Variants in CDK5RAP2 observed in about 807,000 individuals in gnomAD.
CDK5RAP2 encodes CDK5 regulatory subunit associated protein 2.
Under a neutral mutation model 232.9 loss-of-function variants are expected in CDK5RAP2, and 147 were observed. That is an observed-to-expected ratio of 0.63 (90% confidence interval 0.55 to 0.72). The LOEUF is 0.72. Among genes scored for constraint, CDK5RAP2 ranks in the 30% least tolerant of loss-of-function variants. CDK5RAP2 has a pLI of 0.00. For missense variants in CDK5RAP2, 2,195 were observed against 2,231.5 expected (o/e 0.98, Z 0.33); for synonymous variants, 833 against 833.7 (o/e 1.00, Z 0.01).
rs1339036951 is a variant in CDK5RAP2, at chr9:120,403,333, A to C, written c.5042-262T>G. 2 of 485,414 alleles carry C rather than the reference A, an allele frequency of 4.1e-6. No individual in the cohort carries two copies. Among genetic ancestry groups the C allele is most frequent in the Non-Finnish European group, 7.5e-6 (2 of 265,864 alleles). The allele number at this position is 485,414 out of a possible 1,614,324, so 30.1% of individuals were successfully genotyped here. A position where few individuals can be genotyped will look rare whatever the true frequency, so the allele number is the denominator to read the frequency against. ...CCACCCACTCGGCAGAAGACCCCAG[A>C]TTCACAAGGATGACTCAAGCTGGTG... is the stretch of plus-strand genomic sequence containing the variant. On this transcript the variant is annotated intron_variant, in intron 33 of 37. Coordinates refer to ENST00000349780, the MANE Select transcript of CDK5RAP2 (RefSeq NM_018249.6). The surrounding 1 kb of genome is among the most constrained non-coding windows in gnomAD (Gnocchi z 4.2).
intron 2 of CDK5RAP2, among the ~76,000 whole-genome samples, chr9:120,570,663 A>T (rs1454617346): frequency 4.6e-5 from 7 of 151,772 alleles, no homozygotes; most frequent in African/African-American, 1.7e-4. Context: ...AACATGGTGA[A>T]CTCTGTCTCT....
Position 120,536,420 on chromosome 9 carries a change from A to ATCT in CDK5RAP2, c.611_613dup (p.Lys204dup). Reference sequence around the variant, plus strand: ...AGCCATCGCCAAGTCCCCCTCGTGCATCTTCTTCATCTCTGAAAGCTTGCT... The same window carrying ATCT: ...AGCCATCGCCAAGTCCCCCTCGTGCATCTTCTTCTTCATCTCTGAAAGCTTGCT... On this transcript the variant is annotated inframe_insertion, in exon 7 of 38. Transcript: ENST00000349780. The ATCT allele has an allele frequency of 1.2e-6, 2 of 1,614,176 alleles. No homozygotes were observed. The highest frequency in any genetic ancestry group is 1.7e-6 in the Non-Finnish European group (2 of 1,180,020).
intron 3 of CDK5RAP2, among the ~76,000 whole-genome samples, chr9:120,557,224 G>C (rs1393827947): frequency 2.0e-5 from 3 of 152,190 alleles, no homozygotes; most frequent in Non-Finnish European, 2.9e-5. Flanking sequence ...TCTCTGCTTA[G>C]TACCACTTTC....
At chr9:120,389,966 C>T (rs781155659) in intron 36 of CDK5RAP2, 179 bp from the exon 37 acceptor site, 70 of 648,528 alleles carry the variant, frequency 1.1e-4, no homozygotes, top group Non-Finnish European at 1.8e-4. Flanking sequence ...CATCACAAAC[C>T]CCAGGGCCAA....
chr9:120,525,410 T>C (rs961048512), intron 10 of CDK5RAP2, among the ~76,000 whole-genome samples: 1 of 152,176 alleles, frequency 6.6e-6, no homozygotes, highest in Non-Finnish European at 1.5e-5. Context: ...TCCATATAGA[T>C]GACCTACCCA....
At chr9:120,463,532 T>C (rs371899340) in intron 18 of CDK5RAP2, among the ~76,000 whole-genome samples, 1 of 152,208 alleles carries the variant, frequency 6.6e-6, no homozygotes, top group East Asian at 1.9e-4. Flanking sequence ...GACCTTGTTG[T>C]ATTAATGAGA....
chr9:120,455,089 TGG>T (rs1417952155), intron 20 of CDK5RAP2, among the ~76,000 whole-genome samples: 1 of 152,096 alleles, frequency 6.6e-6, no homozygotes, highest in Non-Finnish European at 1.5e-5. Flanking sequence ...CAGTGGGCAC[TGG>T]GGATACAAAA....
At chr9:120,574,948 C>A (rs1370267573) in intron 1 of CDK5RAP2, among the ~76,000 whole-genome samples, 6 of 151,840 alleles carry the variant, frequency 4.0e-5, no homozygotes, top group Non-Finnish European at 8.8e-5. Context: ...GACGCCTTCC[C>A]GGAGGTTGGG....
chr9:120,550,773 T>G lies in CDK5RAP2; in HGVS notation c.306+19A>C. 7.6e-7 allele frequency: 1 copy of G among 1,324,350 alleles called. No individual in the cohort carries two copies. The highest frequency in any genetic ancestry group is 1.1e-6 in the Non-Finnish European group (1 of 915,170). The allele number at this position is 1,324,350 out of a possible 1,614,324, so 82.0% of individuals were successfully genotyped here. On this transcript the variant is annotated intron_variant, in intron 4 of 37. Transcript: ENST00000349780. ...TGAGAAAGGACACAAGGGACAGTAA[T>G]GAGAAATGGGCCACTCACAGTTTTG...
Position 120,394,202 on chromosome 9 carries a change from T to C in CDK5RAP2, c.5578+310A>G, listed in dbSNP as rs10739563. Among the ~76,000 whole-genome samples, 100,668 of 152,002 alleles carry C rather than the reference T, an allele frequency of 0.66. 33,760 individuals carry two copies. Among genetic ancestry groups the C allele is most frequent in the East Asian group, 0.8 (4,120 of 5,160 alleles). On this transcript the variant is annotated intron_variant, in intron 36 of 37. Transcript: ENST00000349780. ...GTCACTTTGTCTAAGACGCCCACCT[T>C]GCCGGGACAGAGTGACGGCCACCCA...
chr9:120,457,759 T>C (rs7047008), intron 20 of CDK5RAP2, among the ~76,000 whole-genome samples: 12,018 of 152,202 alleles, frequency 0.079, 926 homozygotes, highest in African/African-American at 0.2. Context: ...TGAACACGCA[T>C]CACACCAAAT....
rs918670944 is a variant in CDK5RAP2 at position 120,411,275 on chromosome 9, G to A, written c.4414+83C>T. 44 of 832,760 alleles carry A rather than the reference G, an allele frequency of 5.3e-5. No individual in the cohort carries two copies. The African/African-American group carries it at 5.8e-4, about 11-fold the overall frequency. 51.6% of individuals were successfully genotyped at this position (832,760 alleles called of 1,614,324 possible). A position where few individuals can be genotyped will look rare whatever the true frequency, so the allele number is the denominator to read the frequency against. ...GAGCCACAGGATTCATACTTAGGTT[G>A]GTCAGACTCCAATGCCTGCATTCTT... is the stretch of plus-strand genomic sequence containing the variant. On this transcript the variant is annotated intron_variant, in intron 29 of 37. Transcript: ENST00000349780.
At chr9:120,414,004 ATGGGGCACTATCT>A (rs2034051767) in intron 28 of CDK5RAP2, among the ~76,000 whole-genome samples, 1 of 152,264 alleles carries the variant, frequency 6.6e-6, no homozygotes, top group Non-Finnish European at 1.5e-5. Context: ...TGCTGCTGCC[ATGGGGCACTATCT>A]TTCCAGAACT....
intron 25 of CDK5RAP2, among the ~76,000 whole-genome samples, chr9:120,424,086 C>G (rs1169164671): frequency 2.0e-5 from 3 of 152,212 alleles, no homozygotes; most frequent in African/African-American, 7.2e-5. Context: ...CTATCTCCTT[C>G]AGGCCTCACA....
rs769097819 is a variant in CDK5RAP2, at chr9:120,580,015, G to C, written c.-37C>G. The C allele has an allele frequency of 1.4e-6, 2 of 1,458,790 alleles. No homozygotes were observed. Among genetic ancestry groups the C allele is most frequent in the South Asian group, 2.3e-5 (2 of 86,814 alleles). 90.4% of individuals were successfully genotyped at this position (1,458,790 alleles called of 1,614,324 possible). ...TGGCGACAGCGTTGGTGTCTGTGGC[G>C]GCGGCGCCACTAGTACCCCCCGCGA... On this transcript the variant is annotated 5_prime_UTR_variant, in exon 1 of 38. Coordinates refer to ENST00000349780, the MANE Select transcript of CDK5RAP2 (RefSeq NM_018249.6).
intron 11 of CDK5RAP2, among the ~76,000 whole-genome samples, chr9:120,520,905 CAT>C (rs912602658): frequency 1.1e-4 from 1 of 8,806 alleles, no homozygotes; most frequent in Non-Finnish European, 5.5e-4. Context: ...TCTCATATAT[CAT>C]ATATCTCATA....
chr9:120,579,795 A>C, intron 1 of CDK5RAP2, 125 bp downstream of exon 1: 1 of 750,764 alleles, frequency 1.3e-6, no homozygotes, highest in Non-Finnish European at 2.3e-6. Context: ...CTCCGAAGGA[A>C]CCCACCCCAC....
At chr9:120,492,620 C>A (rs1008941541) in intron 12 of CDK5RAP2, among the ~76,000 whole-genome samples, 4 of 152,116 alleles carry the variant, frequency 2.6e-5, no homozygotes, top group Non-Finnish European at 2.9e-5. Context: ...ACCAAACAGA[C>A]AGAAATTGTT....
chr9:120,534,741 G>A (rs180930693), intron 7 of CDK5RAP2, among the ~76,000 whole-genome samples: 23 of 152,204 alleles, frequency 1.5e-4, no homozygotes, highest in Non-Finnish European at 2.6e-4. Context: ...ACAGGCGCCA[G>A]GAATTCTGCC....
Sources: gnomAD v4.1 joint callset for allele counts (sites outside exome capture counted in the v4.1 genomes callset) on GRCh38, gnomAD v4.1.1 for gene constraint, Gnocchi (gnomAD v3.1) non-coding constraint, MANE v1.5 for transcripts, NCBI Gene and HGNC (gene_info 2026-07-23, HGNC 2026-07-21) for gene names.